Variants in SLC30A8 observed in about 807,000 individuals in gnomAD.
SLC30A8 encodes proton-coupled zinc antiporter SLC30A8.
SLC30A8 carries 27 observed loss-of-function variants against 36.9 expected under a neutral mutation model. The observed-to-expected ratio is 0.73, with a 90% confidence interval of 0.54 to 1.01. The LOEUF (loss-of-function observed/expected upper bound fraction) is 1.01. SLC30A8 is among the 50% of genes least tolerant of loss of function. The probability of loss-of-function intolerance (pLI) is 0.00; values close to 1 mark genes in which losing one functional copy is unlikely to be tolerated. For synonymous variants in SLC30A8, 164 were observed against 172.4 expected (o/e 0.95, Z 0.38); for missense variants, 439 against 452.0 (o/e 0.97, Z 0.26).
intron 2 of SLC30A8, among the ~76,000 whole-genome samples, chr8:117,072,155 C>T (rs978665460): frequency 2.6e-5 from 4 of 152,144 alleles, no homozygotes; most frequent in African/African-American, 4.8e-5. Context: ...GATTACAGTT[C>T]CTGCTAAGTA....
chr8:116,979,454 T>A (rs1402296886), intron 1 of SLC30A8, among the ~76,000 whole-genome samples: 2 of 152,140 alleles, frequency 1.3e-5, no homozygotes, highest in African/African-American at 4.8e-5. Context: ...GTCGTTGGCT[T>A]CCATTCTGCC....
chr8:117,148,495 A>G (rs79383795), intron 2 of SLC30A8, among the ~76,000 whole-genome samples: 1 of 152,106 alleles, frequency 6.6e-6, no homozygotes, highest in African/African-American at 2.4e-5. Flanking sequence ...TTTCCTACTC[A>G]TGATTTTTAA....
intron 1 of SLC30A8, among the ~76,000 whole-genome samples, chr8:116,981,036 G>T (rs1247666965): frequency 6.6e-6 from 1 of 152,192 alleles, no homozygotes; most frequent in Non-Finnish European, 1.5e-5. Context: ...CACAAATTCA[G>T]GCAGGGCCCA....
At chr8:117,014,933 T>G (rs994744764) in intron 1 of SLC30A8, among the ~76,000 whole-genome samples, 7 of 152,060 alleles carry the variant, frequency 4.6e-5, no homozygotes, top group Non-Finnish European at 2.9e-5. Context: ...AGTAATTGGC[T>G]TTGCGTGCAG....
At chr8:116,950,977 C>G (rs1053684140) in exon 1 of SLC30A8, 1 of 152,228 alleles carries the variant, frequency 6.6e-6, no homozygotes, top group Non-Finnish European at 1.5e-5. Context: ...GAAAGCCTGC[C>G]TGTCTAACTT....
intron 1 of SLC30A8, among the ~76,000 whole-genome samples, chr8:116,969,605 A>C (rs1278580063): frequency 2.0e-5 from 3 of 152,216 alleles, no homozygotes; most frequent in Admixed American, 2.0e-4. Flanking sequence ...TACTTACACA[A>C]ACCTAGATGG....
intron 5 of SLC30A8, among the ~76,000 whole-genome samples, chr8:117,162,241 GACA>G (rs1822829969): frequency 6.6e-6 from 1 of 152,172 alleles, no homozygotes; most frequent in Non-Finnish European, 1.5e-5. Flanking sequence ...TTCTGTCCCA[GACA>G]CCACACTGAA....
intron 1 of SLC30A8, among the ~76,000 whole-genome samples, chr8:117,136,555 G>A (rs527547773): frequency 9.9e-5 from 15 of 152,034 alleles, no homozygotes; most frequent in African/African-American, 3.4e-4. Context: ...TTATAAAAAG[G>A]ATATTTATAA....
rs1235266353 is a variant in SLC30A8, at chr8:117,037,518, C to T, written c.-265-1701C>T. ...CCATACCACTGCCCCCCTCACCCAC[C>T]GCTTAAGCCAGAGAAGACAACTTTG... On this transcript the variant is annotated intron_variant, in intron 1 of 10. Coordinates refer to the SLC30A8 transcript ENST00000427715. 3.9e-5 allele frequency among the ~76,000 whole-genome samples: 6 copies of T among 152,050 alleles called. No homozygotes were observed. In the South Asian group the frequency reaches 8.3e-4, roughly 21 times the overall value.
chr8:117,086,145 G>T (rs34212210), intron 2 of SLC30A8, among the ~76,000 whole-genome samples: 17,898 of 152,168 alleles, frequency 0.12, 1,138 homozygotes, highest in East Asian at 0.14. Context: ...TGTTACAGTT[G>T]GTTATTGACT....
intron 1 of SLC30A8, among the ~76,000 whole-genome samples, chr8:117,012,148 G>A (rs1816363740): frequency 6.6e-6 from 1 of 152,058 alleles, no homozygotes; most frequent in Admixed American, 6.5e-5. Flanking sequence ...TTTGTATTTA[G>A]CATATGCTGT....
chr8:117,133,918 G>A (rs1327025867), upstream of SLC30A8, among the ~76,000 whole-genome samples: 7 of 151,928 alleles, frequency 4.6e-5, no homozygotes, highest in Non-Finnish European at 1.0e-4. Flanking sequence ...GCAAAGTTAA[G>A]GATCAGTAAG....
At chr8:117,077,939 T>C (rs1818541183) in intron 2 of SLC30A8, among the ~76,000 whole-genome samples, 1 of 152,218 alleles carries the variant, frequency 6.6e-6, no homozygotes, top group Admixed American at 6.5e-5. Context: ...ATTAGCACTT[T>C]TCGTGGCACG....
At chr8:117,127,656 A>G (rs1820962668) in intron 2 of SLC30A8, among the ~76,000 whole-genome samples, 2 of 152,018 alleles carry the variant, frequency 1.3e-5, no homozygotes, top group African/African-American at 4.8e-5. Context: ...GGCTCTGGAG[A>G]GTATTAAAGC....
intron 1 of SLC30A8, among the ~76,000 whole-genome samples, chr8:117,010,804 T>G (rs1816318532): frequency 6.6e-6 from 1 of 152,206 alleles, no homozygotes; most frequent in Non-Finnish European, 1.5e-5. Flanking sequence ...ACATCTTATA[T>G]GGCACAGCAA....
At chr8:117,139,709 G>A (rs907569215) in intron 1 of SLC30A8, among the ~76,000 whole-genome samples, 2 of 151,962 alleles carry the variant, frequency 1.3e-5, no homozygotes, top group African/African-American at 2.4e-5. Flanking sequence ...GTGAGATAGT[G>A]GAAAGAAACA....
chr8:116,981,084 G>A (rs1011472411), intron 1 of SLC30A8, among the ~76,000 whole-genome samples: 2 of 152,192 alleles, frequency 1.3e-5, no homozygotes, highest in African/African-American at 4.8e-5. Flanking sequence ...CTTGGCCATC[G>A]GCTGGTACTG....
intron 2 of SLC30A8, among the ~76,000 whole-genome samples, chr8:117,041,442 C>T (rs903232414): frequency 6.6e-6 from 1 of 152,220 alleles, no homozygotes; most frequent in African/African-American, 2.4e-5. Context: ...AATCCCAGCA[C>T]TATGGGAGGC....
At chr8:117,076,227 C>T (rs946582730) in intron 2 of SLC30A8, among the ~76,000 whole-genome samples, 3 of 152,134 alleles carry the variant, frequency 2.0e-5, no homozygotes, top group African/African-American at 4.8e-5. Context: ...GTATTCCAAG[C>T]ATTTCCTATG....
Sources: allele counts gnomAD v4.1 joint callset (sites outside exome capture counted in the v4.1 genomes callset), GRCh38; gene constraint gnomAD v4.1.1; transcripts MANE v1.5; gene names NCBI Gene and HGNC (gene_info 2026-07-23, HGNC 2026-07-21).